Variants in CWH43 observed in about 807,000 individuals in gnomAD.
The protein encoded by CWH43 is cell wall biogenesis 43 C-terminal homolog.
In CWH43, 91 loss-of-function variants were observed where a neutral mutation model predicts 85.7. That is an observed-to-expected ratio of 1.06 (90% CI 0.90 to 1.26). The LOEUF (loss-of-function observed/expected upper bound fraction) is 1.26, where lower values mean the gene tolerates loss of function less well. Among genes scored for constraint, CWH43 ranks in the 50% most tolerant of loss-of-function variants. The probability of loss-of-function intolerance (pLI) is 0.00; values close to 1 mark genes in which losing one functional copy is unlikely to be tolerated. For synonymous variants in CWH43, 323 were observed against 293.6 expected (o/e 1.10, Z -1.02); for missense variants, 869 against 839.2 (o/e 1.04, Z -0.44).
rs772932772 is a variant in CWH43, at chr4:48,994,695, G to A, written c.588G>A (p.Leu196=). ...ATGMASRPNW[L]LAGAAFGSLV... ...GGATGGCCTCTAGACCCAACTGGCT[G>A]CTGGCAGGGGCTGCTTTTGGTAGCC... Residue 196 remains leucine, a synonymous_variant, in exon 5 of 16, where the codon CTG becomes CTA. Transcript: ENST00000226432. 5 of 1,614,232 alleles carry A rather than the reference G, an allele frequency of 3.1e-6. No individual in the cohort carries two copies. In the Admixed American group the frequency reaches 8.3e-5, roughly 27 times the overall value.
At chr4:48,989,653 C>A (rs1176343017) in intron 2 of CWH43, among the ~76,000 whole-genome samples, 3 of 152,122 alleles carry the variant, frequency 2.0e-5, no homozygotes, top group Non-Finnish European at 4.4e-5. Flanking sequence ...GTCTCGAATT[C>A]CTGAGCTCAA....
At position 49,007,357 on chromosome 4, in the gene CWH43, T is replaced by A. The variant is rs769663465; in HGVS notation, c.1186+31T>A. ...TATAGTTTTACATTCTTAAAAAAAATTAATTATATAAAATTCTAAACGTAT... is the reference window on the plus strand; with the variant it reads ...TATAGTTTTACATTCTTAAAAAAAAATAATTATATAAAATTCTAAACGTAT... On this transcript the variant is annotated intron_variant, in intron 8 of 15. Coordinates refer to ENST00000226432, the MANE Select transcript of CWH43 (RefSeq NM_025087.3). 10 of 1,499,050 alleles carry A rather than the reference T, an allele frequency of 6.7e-6. No homozygotes were observed. In the Admixed American group the frequency reaches 9.1e-5, roughly 14 times the overall value. 92.9% of individuals were successfully genotyped at this position (1,499,050 alleles called of 1,614,324 possible).
chr4:49,046,400 A>G (rs183683871), intron 14 of CWH43, among the ~76,000 whole-genome samples: 1 of 151,970 alleles, frequency 6.6e-6, no homozygotes, highest in Non-Finnish European at 1.5e-5. Flanking sequence ...CGGGAGTGGG[A>G]ATATAATAGG....
chr4:49,038,070 G>A lies in CWH43; in HGVS notation c.1693G>A (p.Val565Ile), dbSNP rs191141702. The change falls in exon 13 of 16, where the codon GTT becomes ATT. Residue 565 changes from valine to isoleucine, a missense_variant. Val to Ile is a conservative substitution (Grantham distance 29, BLOSUM62 3). Transcript: ENST00000226432. Reference protein sequence around the residue: ...DLDRKLQAIAVSKLLKSSSNQ... With the variant: ...DLDRKLQAIAISKLLKSSSNQ... ...CGACAGGAAACTGCAGGCTATTGCT[G>A]TTTCAAAACTACTGAAAAGTAGCTC... 1 of 1,612,190 alleles carries A rather than the reference G, an allele frequency of 6.2e-7. No individual in the cohort carries two copies. Among genetic ancestry groups the A allele is most frequent in the East Asian group, 2.2e-5 (1 of 44,828 alleles).
At chr4:49,027,084 G>A (rs1783939779) in intron 9 of CWH43, among the ~76,000 whole-genome samples, 1 of 152,216 alleles carries the variant, frequency 6.6e-6, no homozygotes, top group African/African-American at 2.4e-5. Flanking sequence ...TGTCAATTTG[G>A]CTGCTCTGTG....
chr4:48,994,164 G>A (rs998726291), intron 4 of CWH43, among the ~76,000 whole-genome samples: 12 of 152,236 alleles, frequency 7.9e-5, no homozygotes, highest in Non-Finnish European at 1.8e-4. Context: ...GCTTGGAAGA[G>A]GGGTTGGTGC....
intron 8 of CWH43, among the ~76,000 whole-genome samples, chr4:49,016,502 T>C (rs1783551048): frequency 6.6e-6 from 1 of 152,114 alleles, no homozygotes; most frequent in South Asian, 2.1e-4. Flanking sequence ...GAAGCCACCT[T>C]GGTGACGTTT....
chr4:49,041,253 TA>T (rs1485986688), intron 13 of CWH43, among the ~76,000 whole-genome samples: 1 of 152,202 alleles, frequency 6.6e-6, no homozygotes, highest in African/African-American at 2.4e-5. Context: ...ATATGAACTT[TA>T]AAGTAGTTTT....
chr4:49,051,358 T>C (rs985879119), intron 15 of CWH43, among the ~76,000 whole-genome samples: 2 of 152,152 alleles, frequency 1.3e-5, no homozygotes, highest in African/African-American at 2.4e-5. Flanking sequence ...TTGCTGGTAT[T>C]CTCAGCTCTG....
chr4:49,026,448 T>A (rs144197246), intron 9 of CWH43, among the ~76,000 whole-genome samples: 56 of 152,170 alleles, frequency 3.7e-4, no homozygotes, highest in African/African-American at 1.3e-3. Flanking sequence ...TGTGCTGCTC[T>A]CTCTGTTGAA....
chr4:49,059,076 C>T (rs950554270), intron 15 of CWH43, among the ~76,000 whole-genome samples: 1 of 152,056 alleles, frequency 6.6e-6, no homozygotes, highest in Admixed American at 6.5e-5. Flanking sequence ...CCTTCTTTCT[C>T]TGCTTCTTCT....
chr4:49,037,958 T>C lies in CWH43; in HGVS notation c.1659-78T>C, dbSNP rs551422911. 69 of 1,315,554 alleles carry C rather than the reference T, an allele frequency of 5.2e-5. No individual in the cohort carries two copies. In the East Asian group the frequency reaches 1.6e-3, roughly 30 times the overall value. The allele number at this position is 1,315,554 out of a possible 1,614,324, so 81.5% of individuals were successfully genotyped here. Reference sequence around the variant, plus strand: ...CTTCTTCACTATATGCAGATAGTCTTTGGCAACTTAGGTACCTAAGGCTTT... The same window carrying C: ...CTTCTTCACTATATGCAGATAGTCTCTGGCAACTTAGGTACCTAAGGCTTT... On this transcript the variant is annotated intron_variant, in intron 12 of 15. Transcript: ENST00000226432.
chr4:48,998,777 GT>G (rs1331251008), intron 6 of CWH43, among the ~76,000 whole-genome samples: 5 of 152,122 alleles, frequency 3.3e-5, no homozygotes, highest in Admixed American at 2.0e-4. Flanking sequence ...TCCTGTGGCT[GT>G]GCTGCTTTCC....
chr4:49,041,786 G>T (rs969400454), intron 13 of CWH43, among the ~76,000 whole-genome samples: 26 of 152,292 alleles, frequency 1.7e-4, no homozygotes, highest in African/African-American at 5.5e-4. Flanking sequence ...TAGCAGGATA[G>T]AGGAAGGGAT....
chr4:48,990,158 A>G (rs747520861), intron 2 of CWH43, among the ~76,000 whole-genome samples: 18 of 152,196 alleles, frequency 1.2e-4, no homozygotes, highest in Admixed American at 8.5e-4. Flanking sequence ...AAGGGATGTG[A>G]TATAAAATAA....
In CWH43 at chr4:49,057,301, GAAGGCAGGACAACTGGAAGCA is replaced by G. The variant is rs1383960424; in HGVS notation, c.2022-4499_2022-4479del. ...TAAGATGAACATTGGTTCAGTCCGG[GAAGGCAGGACAACTGGAAGCA>G]AAGGCAGGACATCTCGAAGCAGAAA... is the stretch of plus-strand genomic sequence containing the variant. On this transcript the variant is annotated intron_variant, in intron 15 of 15. Coordinates refer to ENST00000226432, the MANE Select transcript of CWH43 (RefSeq NM_025087.3). Among the ~76,000 whole-genome samples the G allele has an allele frequency of 5.3e-5, 8 of 152,214 alleles. No homozygotes were observed. In the East Asian group the frequency reaches 1.5e-3, roughly 29 times the overall value.
At chr4:49,032,498 G>T in intron 11 of CWH43, 68 bp from the exon 12 acceptor site, 2 of 1,566,348 alleles carry the variant, frequency 1.3e-6, no homozygotes, top group Non-Finnish European at 8.8e-7. Context: ...TAATGCATTT[G>T]CTTAGTCCCA....
chr4:49,036,139 A>G (rs1784255102), intron 12 of CWH43, among the ~76,000 whole-genome samples: 1 of 151,976 alleles, frequency 6.6e-6, no homozygotes, highest in African/African-American at 2.4e-5. Flanking sequence ...GAATGCAGCT[A>G]CTGCCAGAGG....
At chr4:49,033,682 A>G (rs920418810) in intron 12 of CWH43, among the ~76,000 whole-genome samples, 1 of 152,218 alleles carries the variant, frequency 6.6e-6, no homozygotes, top group African/African-American at 2.4e-5. Context: ...CCAAAGAATA[A>G]CATTTACAAC....
Sources: gnomAD v4.1 joint callset for allele counts (sites outside exome capture counted in the v4.1 genomes callset) on GRCh38, gnomAD v4.1.1 for gene constraint, MANE v1.5 for transcripts, NCBI Gene and HGNC (gene_info 2026-07-23, HGNC 2026-07-21) for gene names.